The following PCDH15 variants were observed in gnomAD, a reference collection of about 807,000 sequenced individuals.
PCDH15 encodes the protein protocadherin-15.
PCDH15 carries 129 observed loss-of-function variants against 178.5 expected under a neutral mutation model. The observed-to-expected ratio is 0.72, with a 90% CI of 0.63 to 0.84. The LOEUF is 0.84. Ranked by LOEUF, PCDH15 falls within the 40% of genes least tolerant of loss-of-function variation. The pLI is 0.00. For missense variants in PCDH15, 2,230 were observed against 2,099.9 expected (o/e 1.06, Z -1.21); for synonymous variants, 800 against 732.0 (o/e 1.09, Z -1.50).
At chr10:54,294,764 G>T (rs773828355) in intron 8 of PCDH15, among the ~76,000 whole-genome samples, 1 of 152,036 alleles carries the variant, frequency 6.6e-6, no homozygotes, top group Non-Finnish European at 1.5e-5. Flanking sequence ...AGTGTTTCTG[G>T]ATTATTAGAA....
At chr10:54,535,728 A>AG (rs2084438905) in intron 2 of PCDH15, among the ~76,000 whole-genome samples, 1 of 151,132 alleles carries the variant, frequency 6.6e-6, no homozygotes, top group African/African-American at 2.4e-5. Flanking sequence ...AAAAAAAAAA[A>AG]AAAAAAGAAG....
chr10:55,491,713 G>A (rs1840423378), intron 2 of PCDH15, among the ~76,000 whole-genome samples: 1 of 150,428 alleles, frequency 6.6e-6, no homozygotes, highest in Admixed American at 6.6e-5. Context: ...TTCAAATTCT[G>A]TTCTAAATAG....
chr10:55,153,086 T>C (rs944995647), intron 2 of PCDH15, among the ~76,000 whole-genome samples: 3 of 152,266 alleles, frequency 2.0e-5, no homozygotes, highest in South Asian at 2.1e-4. Flanking sequence ...ATGTTAATAC[T>C]TTACTTTGAA....
At chr10:54,413,320 G>C (rs1953841298) in intron 3 of PCDH15, among the ~76,000 whole-genome samples, 1 of 152,132 alleles carries the variant, frequency 6.6e-6, no homozygotes, top group Non-Finnish European at 1.5e-5. Context: ...ATTTCTCAAA[G>C]TGAAGTCCAG....
chr10:55,606,513 T>TA (rs1031497814), intron 2 of PCDH15, among the ~76,000 whole-genome samples: 1 of 147,106 alleles, frequency 6.8e-6, no homozygotes, highest in Non-Finnish European at 1.5e-5. Context: ...AAGGCTACAG[T>TA]AACCAAAACA....
intron 1 of PCDH15, among the ~76,000 whole-genome samples, chr10:55,232,860 A>G (rs1201403559): frequency 6.6e-6 from 1 of 152,112 alleles, no homozygotes; most frequent in African/African-American, 2.4e-5. Context: ...GTCCCAGGTA[A>G]GCCTTCAGAT....
intron 25 of PCDH15, among the ~76,000 whole-genome samples, chr10:53,935,178 A>C (rs1360574846): frequency 2.8e-5 from 4 of 142,012 alleles, no homozygotes; most frequent in African/African-American, 1.2e-4. Flanking sequence ...ATTTAATTTA[A>C]AAAAAGAAAA....
At chr10:55,480,209 T>C (rs1480708599) in intron 2 of PCDH15, among the ~76,000 whole-genome samples, 8 of 151,720 alleles carry the variant, frequency 5.3e-5, no homozygotes. Flanking sequence ...GTAGAACTTA[T>C]CAGTGTAAGA....
chr10:54,992,480 C>T (rs1447685491), intron 2 of PCDH15, among the ~76,000 whole-genome samples: 1 of 152,112 alleles, frequency 6.6e-6, no homozygotes, highest in Admixed American at 6.6e-5. Context: ...TGATCGGGCG[C>T]AGCGGCTGAC....
At chr10:55,463,095 A>G (rs562033173) in intron 2 of PCDH15, among the ~76,000 whole-genome samples, 5 of 151,372 alleles carry the variant, frequency 3.3e-5, no homozygotes, top group African/African-American at 1.2e-4. Context: ...TCAGGATCCA[A>G]GAGAAAAAAA....
Position 54,687,336 on chromosome 10 carries a change from T to C in PCDH15, c.-28-23046A>G, listed in dbSNP as rs551452152. On this transcript the variant is annotated intron_variant, in intron 1 of 37. Transcript: ENST00000644397. ...ATCCAAAAGAATCAAAATTACACTCTCAGATACAATCATATACTAGTACTC... is the reference window on the plus strand; with the variant it reads ...ATCCAAAAGAATCAAAATTACACTCCCAGATACAATCATATACTAGTACTC... Among the ~76,000 whole-genome samples, 50 of 152,232 alleles carry C rather than the reference T, an allele frequency of 3.3e-4. 1 individual carries two copies. Among genetic ancestry groups the C allele is most frequent in the South Asian group, 2.1e-3 (10 of 4,834 alleles).
At chr10:54,101,986 A>G (rs1170631254) in intron 15 of PCDH15, among the ~76,000 whole-genome samples, 1 of 152,102 alleles carries the variant, frequency 6.6e-6, no homozygotes, top group East Asian at 1.9e-4. Context: ...AAATAATATT[A>G]ATAATCATAA....
At chr10:54,805,038 T>C (rs2133721817), upstream of PCDH15, among the ~76,000 whole-genome samples, 1 of 148,458 alleles carries the variant, frequency 6.7e-6, no homozygotes, top group South Asian at 2.1e-4. Flanking sequence ...GGCAAATGTA[T>C]ATATTAACTA....
intron 1 of PCDH15, among the ~76,000 whole-genome samples, chr10:54,665,341 C>G (rs1011370529): frequency 2.0e-5 from 3 of 151,962 alleles, no homozygotes; most frequent in Non-Finnish European, 2.9e-5. Context: ...CATGTGATTT[C>G]CAAGTGTTTA....
At chr10:54,918,380 G>T (rs984603026) in intron 2 of PCDH15, among the ~76,000 whole-genome samples, 1 of 152,122 alleles carries the variant, frequency 6.6e-6, no homozygotes, top group Non-Finnish European at 1.5e-5. Flanking sequence ...TTCTTAAAAA[G>T]CACCTTATAA....
chr10:55,052,423 G>A (rs1307544438), intron 2 of PCDH15, among the ~76,000 whole-genome samples: 1 of 151,232 alleles, frequency 6.6e-6, no homozygotes, highest in South Asian at 2.1e-4. Context: ...TATGAGGCTG[G>A]GTGTGGTGGC....
intron 2 of PCDH15, among the ~76,000 whole-genome samples, chr10:55,420,042 C>T (rs566337174): frequency 2.0e-5 from 3 of 151,684 alleles, no homozygotes; most frequent in East Asian, 3.9e-4. Context: ...CTCGAAAATC[C>T]GCTGGGTAGA....
At chr10:55,298,148 A>G (rs1843181290) in intron 1 of PCDH15, among the ~76,000 whole-genome samples, 3 of 152,254 alleles carry the variant, frequency 2.0e-5, no homozygotes, top group Non-Finnish European at 2.9e-5. Context: ...TTAGAGAAAA[A>G]GCCTTTAATA....
intron 2 of PCDH15, among the ~76,000 whole-genome samples, chr10:54,915,426 A>T (rs758067511): frequency 2.0e-5 from 3 of 152,228 alleles, no homozygotes; most frequent in Admixed American, 2.0e-4. Context: ...GGGCTTTCAT[A>T]GCTATGAATG....
Sources: allele counts gnomAD v4.1 joint callset (sites outside exome capture counted in the v4.1 genomes callset), GRCh38; gene constraint gnomAD v4.1.1; transcripts MANE v1.5; gene names NCBI Gene and HGNC (gene_info 2026-07-23, HGNC 2026-07-21).